Variants in PCDH15 observed in about 807,000 individuals in gnomAD.
PCDH15 encodes protocadherin related 15.
Under a neutral mutation model 178.5 loss-of-function variants are expected in PCDH15, and 129 were observed. The observed-to-expected ratio is 0.72, with a 90% CI of 0.63 to 0.84. The LOEUF (loss-of-function observed/expected upper bound fraction) is 0.84. Ranked by LOEUF, PCDH15 falls within the 40% of genes least tolerant of loss-of-function variation. PCDH15 has a pLI of 0.00. For missense variants in PCDH15, 2,230 were observed against 2,099.9 expected, an observed-to-expected ratio of 1.06 and a Z score of -1.21; for synonymous variants, 800 against 732.0, an observed-to-expected ratio of 1.09 and a Z score of -1.50.
chr10:54,019,719 G>C (rs2092854000), intron 20 of PCDH15, among the ~76,000 whole-genome samples: 1 of 152,056 alleles, frequency 6.6e-6, no homozygotes, highest in African/African-American at 2.4e-5. Flanking sequence ...AAAGGGTTGA[G>C]CCAGAATTTA....
chr10:55,047,360 A>G (rs1841035392), intron 2 of PCDH15, among the ~76,000 whole-genome samples: 1 of 151,844 alleles, frequency 6.6e-6, no homozygotes, highest in Admixed American at 6.6e-5. Context: ...GATTATTACT[A>G]ATAAAATTAT....
At chr10:54,720,848 C>T (rs1941482640) in intron 1 of PCDH15, among the ~76,000 whole-genome samples, 1 of 152,004 alleles carries the variant, frequency 6.6e-6, no homozygotes. Flanking sequence ...AGCAGAAAAT[C>T]AGCAAAGAAA....
intron 3 of PCDH15, among the ~76,000 whole-genome samples, chr10:54,379,327 T>C (rs1016865608): frequency 6.6e-6 from 1 of 152,054 alleles, no homozygotes; most frequent in African/African-American, 2.4e-5. Flanking sequence ...GTTAGACCTC[T>C]GATGTGAAAA....
intron 2 of PCDH15, among the ~76,000 whole-genome samples, chr10:54,563,569 G>T (rs2088547695): frequency 6.6e-6 from 1 of 152,160 alleles, no homozygotes; most frequent in Non-Finnish European, 1.5e-5. Context: ...TAACTGAAGA[G>T]TAAAGACAAA....
chr10:54,030,123 T>C (rs1427410035), intron 18 of PCDH15, among the ~76,000 whole-genome samples: 1 of 152,118 alleles, frequency 6.6e-6, no homozygotes, highest in Non-Finnish European at 1.5e-5. Flanking sequence ...TTATAGCTAT[T>C]ATAAAGGTGT....
At chr10:53,909,952 G>T (rs754471344) in intron 25 of PCDH15, among the ~76,000 whole-genome samples, 1 of 152,206 alleles carries the variant, frequency 6.6e-6, no homozygotes, top group East Asian at 1.9e-4. Context: ...CTGGCAGGGG[G>T]AGAGGAGTTC....
intron 1 of PCDH15, among the ~76,000 whole-genome samples, chr10:54,681,377 G>A (rs1323222594): frequency 2.6e-5 from 4 of 152,132 alleles, no homozygotes; most frequent in Non-Finnish European, 5.9e-5. Flanking sequence ...ATCTACGGAG[G>A]ATGTACAAAG....
intron 2 of PCDH15, among the ~76,000 whole-genome samples, chr10:55,015,593 G>A (rs891237641): frequency 1.3e-5 from 2 of 152,160 alleles, no homozygotes; most frequent in Admixed American, 6.5e-5. Context: ...CAAAGAGAGT[G>A]TCTGTCATGG....
At chr10:54,454,562 T>A (rs2076696315) in intron 3 of PCDH15, among the ~76,000 whole-genome samples, 1 of 151,760 alleles carries the variant, frequency 6.6e-6, no homozygotes, top group Admixed American at 6.6e-5. Context: ...TCTGAAATAA[T>A]ATTTTAAGAA....
At chr10:54,360,991 T>G (rs2134491408) in intron 5 of PCDH15, among the ~76,000 whole-genome samples, 1 of 152,280 alleles carries the variant, frequency 6.6e-6, no homozygotes, top group South Asian at 2.1e-4. Flanking sequence ...AACCATTTAT[T>G]TTTCTTATTT....
At chr10:53,976,644 T>C (rs1442931971) in intron 21 of PCDH15, among the ~76,000 whole-genome samples, 1 of 152,162 alleles carries the variant, frequency 6.6e-6, no homozygotes, top group Admixed American at 6.6e-5. Context: ...TACTTGTGTA[T>C]GGTTTTGCAG....
chr10:54,266,741 T>C (rs1415984028), intron 8 of PCDH15, among the ~76,000 whole-genome samples: 2 of 151,564 alleles, frequency 1.3e-5, no homozygotes, highest in African/African-American at 2.4e-5. Context: ...CCTCTCAAGA[T>C]TGAACCAGGA....
At chr10:54,953,767 T>C (rs556238919) in intron 2 of PCDH15, among the ~76,000 whole-genome samples, 11 of 151,426 alleles carry the variant, frequency 7.3e-5, no homozygotes, top group South Asian at 2.1e-4. Context: ...TTAATACTGG[T>C]AAACCAATGC....
intron 26 of PCDH15, among the ~76,000 whole-genome samples, chr10:53,869,303 C>T (rs2133191892): frequency 6.6e-6 from 1 of 152,184 alleles, no homozygotes; most frequent in South Asian, 2.1e-4. Context: ...ATTTTTTGTA[C>T]TTAAACTTTG....
At chr10:54,953,343 T>C (rs1224944788) in intron 2 of PCDH15, among the ~76,000 whole-genome samples, 1 of 151,512 alleles carries the variant, frequency 6.6e-6, no homozygotes, top group African/African-American at 2.4e-5. Flanking sequence ...TGAATATTGA[T>C]GCAGAATTGA....
At chr10:54,834,195 T>C in intron 3 of PCDH15, among the ~76,000 whole-genome samples, 1 of 139,526 alleles carries the variant, frequency 7.2e-6, no homozygotes. Flanking sequence ...TTTTACTACC[T>C]TTTTTTTTTT....
chr10:55,177,482 C>T (rs1389368155), intron 1 of PCDH15, among the ~76,000 whole-genome samples: 1 of 152,160 alleles, frequency 6.6e-6, no homozygotes, highest in Non-Finnish European at 1.5e-5. Flanking sequence ...GCTATCTAAG[C>T]AAGGAGCTTG....
chr10:54,725,667 T>A (rs1456502938), intron 1 of PCDH15, among the ~76,000 whole-genome samples: 12 of 150,756 alleles, frequency 8.0e-5, no homozygotes, highest in African/African-American at 2.9e-4. Context: ...TATTTCACTC[T>A]AAGCAACTCA....
chr10:55,613,612 A>G (rs1471863650), intron 2 of PCDH15, among the ~76,000 whole-genome samples: 1 of 152,132 alleles, frequency 6.6e-6, no homozygotes, highest in Non-Finnish European at 1.5e-5. Context: ...AATGATCCCT[A>G]TTTCTTTTTC....
Sources: gnomAD v4.1 joint callset for allele counts (sites outside exome capture counted in the v4.1 genomes callset) on GRCh38, gnomAD v4.1.1 for gene constraint, MANE v1.5 for transcripts, NCBI Gene and HGNC (gene_info 2026-07-23, HGNC 2026-07-21) for gene names.